The following KIAA2012 variants were observed in gnomAD, a reference collection of about 807,000 sequenced individuals.
The protein encoded by KIAA2012 is KIAA2012, also known as uncharacterized protein KIAA2012.
Under a neutral mutation model 150.6 loss-of-function variants are expected in KIAA2012, and 125 were observed. The ratio of observed to expected loss-of-function variants is 0.83; its 90% CI spans 0.72 to 0.96. KIAA2012 has a LOEUF of 0.96. Among genes scored for constraint, KIAA2012 ranks in the 40% least tolerant of loss-of-function variants. The probability of loss-of-function intolerance (pLI) is 0.00; values close to 1 mark genes in which losing one functional copy is unlikely to be tolerated. For missense variants in KIAA2012, 1,219 were observed against 1,354.9 expected (o/e 0.90, Z 1.57); for synonymous variants, 462 against 504.7 (o/e 0.92, Z 1.13).
At chr2:202,164,831 C>G (rs542920575) in intron 14 of KIAA2012, among the ~76,000 whole-genome samples, 1 of 152,302 alleles carries the variant, frequency 6.6e-6, no homozygotes, top group Admixed American at 6.5e-5. Context: ...ATGCCTTAGG[C>G]ATTCAGAACT....
chr2:202,073,954 A>C (rs1292321483), intron 1 of KIAA2012, among the ~76,000 whole-genome samples: 2 of 151,232 alleles, frequency 1.3e-5, no homozygotes, highest in African/African-American at 4.9e-5. Flanking sequence ...GGACCAAAGG[A>C]GATTCCAGAT....
At chr2:202,191,929 G>C (rs1692332317) in intron 19 of KIAA2012, among the ~76,000 whole-genome samples, 2 of 152,198 alleles carry the variant, frequency 1.3e-5, no homozygotes. Flanking sequence ...TTGAGTGGTA[G>C]AGCCAAGACT....
At chr2:202,160,555 C>T (rs576901383) in intron 14 of KIAA2012, among the ~76,000 whole-genome samples, 85 of 152,132 alleles carry the variant, frequency 5.6e-4, no homozygotes, top group African/African-American at 6.7e-4. Flanking sequence ...CCTCGTGATC[C>T]GCCCACCTTG....
At chr2:202,197,236 G>C in intron 22 of KIAA2012, 1 of 730,112 alleles carries the variant, frequency 1.4e-6, no homozygotes, top group South Asian at 2.1e-5. Context: ...AAGGGAGTTT[G>C]GAGATATCTA....
At chr2:202,147,698 T>C (rs1691329659) in intron 13 of KIAA2012, among the ~76,000 whole-genome samples, 1 of 152,164 alleles carries the variant, frequency 6.6e-6, no homozygotes, top group Admixed American at 6.5e-5. Flanking sequence ...CTTTTCACAG[T>C]GGAATCAGTT....
intron 15 of KIAA2012, among the ~76,000 whole-genome samples, chr2:202,173,939 C>T (rs527626253): frequency 2.0e-5 from 3 of 152,266 alleles, no homozygotes; most frequent in South Asian, 4.1e-4. Context: ...CACTTGAATA[C>T]TTGAATGGTA....
Position 202,190,326 on chromosome 2 carries a change from G to T in KIAA2012, c.2644G>T (p.Gly882Cys). ...GGAAACAGAAGACACCTCAAATAGA[G>T]GTTCCTTTGCCTCAGACTCCTTTGT... ...YEETEDTSNR[G>C]SFASDSFVED... Residue 882 changes from glycine to cysteine, a missense_variant, in exon 19 of 24, where the codon GGT becomes TGT. Physicochemically the swap from Gly to Cys is radical, Grantham distance 159 (BLOSUM62 -3). Transcript: ENST00000498697. 6.4e-7 allele frequency: 1 copy of T among 1,550,578 alleles called. No homozygotes were observed. Among genetic ancestry groups the T allele is most frequent in the Non-Finnish European group, 8.7e-7 (1 of 1,147,002 alleles).
rs1450152094 is a variant in KIAA2012, at chr2:202,085,151, A to G, written c.370-5619A>G. 2.0e-5 allele frequency among the ~76,000 whole-genome samples: 3 copies of G among 152,196 alleles called. No homozygotes were observed. The East Asian group carries it at 5.8e-4, about 29-fold the overall frequency. The stretch of plus-strand genomic sequence containing the variant: ...CAGTGAGATGGGACATTATTAACCA[A>G]CTTCATGGGCATAATTTGAGAAGTT... On this transcript the variant is annotated intron_variant, in intron 2 of 23. Coordinates refer to ENST00000498697, the MANE Select transcript of KIAA2012 (RefSeq NM_001277372.4).
intron 22 of KIAA2012, among the ~76,000 whole-genome samples, chr2:202,202,136 G>C (rs1396968915): frequency 6.6e-6 from 1 of 152,222 alleles, no homozygotes; most frequent in East Asian, 1.9e-4. Context: ...GCAGGCATGA[G>C]CCACTGCACC....
chr2:202,177,532 A>G (rs1692020019), intron 15 of KIAA2012, among the ~76,000 whole-genome samples: 1 of 152,170 alleles, frequency 6.6e-6, no homozygotes, highest in African/African-American at 2.4e-5. Flanking sequence ...AAGGCAAAAG[A>G]GAGGGAACTC....
At chr2:202,125,357 G>C in intron 12 of KIAA2012, 75 bp downstream of exon 12, 1 of 1,181,970 alleles carries the variant, frequency 8.5e-7, no homozygotes, top group Non-Finnish European at 1.2e-6. Context: ...TTCATATATA[G>C]ACCTCCAGAA....
chr2:202,093,791 G>A (rs7597560), intron 4 of KIAA2012, among the ~76,000 whole-genome samples: 56,871 of 151,954 alleles, frequency 0.37, 11,181 homozygotes, highest in African/African-American at 0.42. Context: ...ATTGCAAGCC[G>A]TCTGTAAACT....
chr2:202,143,333 G>T (rs772439362), intron 13 of KIAA2012, among the ~76,000 whole-genome samples: 7 of 151,642 alleles, frequency 4.6e-5, no homozygotes, highest in Admixed American at 3.9e-4. Context: ...CAATCTACCC[G>T]CCTTGGCCTC....
At chr2:202,116,941 C>G (rs1690544130) in intron 11 of KIAA2012, 1 of 152,204 alleles carries the variant, frequency 6.6e-6, no homozygotes, top group Non-Finnish European at 1.5e-5. Flanking sequence ...CAGCCTATGG[C>G]AAGCAGTCCA....
At chr2:202,111,202 A>C (rs769078677) in intron 10 of KIAA2012, among the ~76,000 whole-genome samples, 1 of 152,080 alleles carries the variant, frequency 6.6e-6, no homozygotes, top group Non-Finnish European at 1.5e-5. Flanking sequence ...TCTGATTAGA[A>C]TAGAATGCCA....
Position 202,187,102 on chromosome 2 carries a change from A to T in KIAA2012, c.2376+4A>T. The T allele has an allele frequency of 6.5e-7, 1 of 1,550,272 alleles. No individual in the cohort carries two copies. Among genetic ancestry groups the T allele is most frequent in the Non-Finnish European group, 8.7e-7 (1 of 1,146,838 alleles). On this transcript the variant is annotated splice_donor_region_variant and intron_variant, in intron 17 of 23. Coordinates refer to ENST00000498697, the MANE Select transcript of KIAA2012 (RefSeq NM_001277372.4). ...GACATCAGCCAACATCAGTCATGTGAGTGTAAACCCCTAAAAGCTTGGTCC... is the reference window on the plus strand; with the variant it reads ...GACATCAGCCAACATCAGTCATGTGTGTGTAAACCCCTAAAAGCTTGGTCC...
At chr2:202,188,754 A>G (rs1355432490) in intron 18 of KIAA2012, among the ~76,000 whole-genome samples, 1 of 152,226 alleles carries the variant, frequency 6.6e-6, no homozygotes, top group Non-Finnish European at 1.5e-5. Flanking sequence ...AATAATAACT[A>G]TATCACATAA....
chr2:202,185,630 A>T (rs962707065), intron 16 of KIAA2012, among the ~76,000 whole-genome samples: 5 of 152,200 alleles, frequency 3.3e-5, no homozygotes, highest in East Asian at 3.9e-4. Context: ...AAACACAAAA[A>T]TTTTTTTAAA....
At chr2:202,105,987 C>T in intron 9 of KIAA2012, 77 bp downstream of exon 9, 1 of 1,549,730 alleles carries the variant, frequency 6.5e-7, no homozygotes, top group Middle Eastern at 1.7e-4. Context: ...CAAGGGTCCA[C>T]AGCCAAGGAA....
Sources: gnomAD v4.1 joint callset for allele counts (sites outside exome capture counted in the v4.1 genomes callset) on GRCh38, gnomAD v4.1.1 for gene constraint, MANE v1.5 for transcripts, NCBI Gene and HGNC (gene_info 2026-07-23, HGNC 2026-07-21) for gene names.